Variants in PRKAR1A observed in about 807,000 individuals in gnomAD.
The protein encoded by PRKAR1A is cAMP-dependent protein kinase type I-alpha regulatory subunit.
A neutral mutation model predicts 52.0 loss-of-function variants in PRKAR1A; 3 were observed. The ratio of observed to expected loss-of-function variants is 0.06; its 90% CI spans 0.03 to 0.15. PRKAR1A has a LOEUF of 0.15. Among genes scored for constraint, PRKAR1A ranks in the 10% least tolerant of loss-of-function variants. The probability of loss-of-function intolerance (pLI) is 1.00; values close to 1 mark genes in which losing one functional copy is unlikely to be tolerated. For synonymous variants in PRKAR1A, 188 were observed against 168.4 expected (o/e 1.12, Z -0.90); for missense variants, 240 against 477.4 (o/e 0.50, Z 4.63).
chr17:68,444,057 A>G, the PRKAR1A span, among the ~76,000 whole-genome samples: 10 of 152,214 alleles, frequency 6.6e-5, no homozygotes, highest in Admixed American at 2.0e-4. Context: ...GTAATAAAAC[A>G]TATTCTTTAT....
chr17:68,536,144 T>C (rs2086090995), downstream of PRKAR1A: 1 of 453,992 alleles, frequency 2.2e-6, no homozygotes, highest in African/African-American at 2.0e-5. Flanking sequence ...AAGTGTTATT[T>C]GTCCAGTCGA....
chr17:68,532,114 C>T lies in PRKAR1A; in HGVS notation c.*1665C>T. 1 of 1,064,034 alleles carries T rather than the reference C, an allele frequency of 9.4e-7. No homozygotes were observed. The highest frequency in any genetic ancestry group is 1.1e-6 in the Non-Finnish European group (1 of 878,054). 65.9% of individuals were successfully genotyped at this position (1,064,034 alleles called of 1,614,324 possible). A position where few individuals can be genotyped will look rare whatever the true frequency, so the allele number is the denominator to read the frequency against. On this transcript the variant is annotated 3_prime_UTR_variant, in exon 11 of 11. Transcript: ENST00000589228. ...CATTTTAGGGTGGGTAAGAAAGCCA[C>T]CTTGTTACAAATTTTTTAATTTCCA...
the PRKAR1A span, among the ~76,000 whole-genome samples, chr17:68,442,464 CAAA>C: frequency 9.6e-5 from 6 of 62,770 alleles, no homozygotes; most frequent in Admixed American, 1.7e-4. Context: ...GACTGTGTCT[CAAA>C]AAAAAAAAAA....
chr17:68,458,012 A>G, the PRKAR1A span, among the ~76,000 whole-genome samples: 1 of 144,664 alleles, frequency 6.9e-6, no homozygotes, highest in African/African-American at 2.5e-5. Context: ...ACCCCTTGCC[A>G]TGTGTAACTC....
At chr17:68,435,505 T>A in the PRKAR1A span, 1 of 987,936 alleles carries the variant, frequency 1.0e-6, no homozygotes, top group South Asian at 1.4e-5. Context: ...AAATTCTGAG[T>A]GGGCCCAGAG....
At chr17:68,548,528 T>C (rs938767713) in intron 11 of PRKAR1A, among the ~76,000 whole-genome samples, 1 of 149,724 alleles carries the variant, frequency 6.7e-6, no homozygotes, top group South Asian at 2.1e-4. Flanking sequence ...AGACTCTGTC[T>C]CAAAAAAAAA....
At chr17:68,462,004 T>C in the PRKAR1A span, among the ~76,000 whole-genome samples, 2 of 152,188 alleles carry the variant, frequency 1.3e-5, no homozygotes, top group African/African-American at 4.8e-5. Flanking sequence ...GGCCCTATCA[T>C]GTGCCCTTGT....
the PRKAR1A span, among the ~76,000 whole-genome samples, chr17:68,467,355 C>A: frequency 1.3e-5 from 2 of 152,180 alleles, no homozygotes; most frequent in African/African-American, 4.8e-5. Flanking sequence ...TTCATAGCAG[C>A]TGAACCATTT....
chr17:68,522,183 G>A (rs1020802747), intron 2 of PRKAR1A, among the ~76,000 whole-genome samples: 3 of 152,144 alleles, frequency 2.0e-5, no homozygotes, highest in East Asian at 3.8e-4. Flanking sequence ...AATTCCACAG[G>A]CTCAGGACCC....
At chr17:68,501,695 T>C in the PRKAR1A span, among the ~76,000 whole-genome samples, 2 of 152,162 alleles carry the variant, frequency 1.3e-5, no homozygotes, top group Non-Finnish European at 2.9e-5. Flanking sequence ...TGGCCTCAAG[T>C]GATCCTCCCT....
At chr17:68,459,576 G>T in the PRKAR1A span, among the ~76,000 whole-genome samples, 1 of 152,164 alleles carries the variant, frequency 6.6e-6, no homozygotes, top group Non-Finnish European at 1.5e-5. Flanking sequence ...GAAGTAAAGG[G>T]ACAGGAGAGA....
chr17:68,482,549 A>G, the PRKAR1A span, among the ~76,000 whole-genome samples: 3 of 152,188 alleles, frequency 2.0e-5, no homozygotes, highest in Non-Finnish European at 2.9e-5. Flanking sequence ...GACATTTAGG[A>G]TTTTAAAATT....
chr17:68,435,715 G>A, the PRKAR1A span: 2 of 1,614,154 alleles, frequency 1.2e-6, no homozygotes, highest in South Asian at 2.2e-5. Context: ...ACTGTTTTCT[G>A]TTGGTGAAAA....
At chr17:68,543,442 G>A (rs958537554) in intron 11 of PRKAR1A, among the ~76,000 whole-genome samples, 2 of 152,200 alleles carry the variant, frequency 1.3e-5, no homozygotes, top group African/African-American at 2.4e-5. Context: ...AAAAGGCCTT[G>A]TGTTTTTCAA....
chr17:68,436,542 A>G, the PRKAR1A span: 19 of 1,507,824 alleles, frequency 1.3e-5, no homozygotes, highest in African/African-American at 2.2e-4. Context: ...ACGGCTGGAG[A>G]GGGCATCTGA....
intron 11 of PRKAR1A, chr17:68,542,937 C>G: frequency 1.4e-6 from 1 of 735,994 alleles, no homozygotes; most frequent in Non-Finnish European, 2.4e-6. Flanking sequence ...TGAGGCGTGA[C>G]TCTGCACTGT....
chr17:68,524,122 G>A (rs758384459), intron 5 of PRKAR1A, 45 bp downstream of exon 5: 15 of 1,595,130 alleles, frequency 9.4e-6, no homozygotes, highest in African/African-American at 8.1e-5. Flanking sequence ...GAGAGGAGGC[G>A]AGACTAGAGG....
the PRKAR1A span, among the ~76,000 whole-genome samples, chr17:68,479,554 A>T: frequency 6.6e-6 from 1 of 152,178 alleles, no homozygotes; most frequent in Non-Finnish European, 1.5e-5. Flanking sequence ...TGTTATTTTT[A>T]AAAATGTACT....
intron 8 of PRKAR1A, 25 bp downstream of exon 8, chr17:68,527,925 T>C: frequency 1.3e-6 from 2 of 1,577,436 alleles, no homozygotes; most frequent in Non-Finnish European, 1.7e-6. Context: ...GTGTTAACTT[T>C]GCTAGTATGT....
Sources: gnomAD v4.1 joint callset for allele counts (sites outside exome capture counted in the v4.1 genomes callset) on GRCh38, gnomAD v4.1.1 for gene constraint, MANE v1.5 for transcripts, NCBI Gene and HGNC (gene_info 2026-07-23, HGNC 2026-07-21) for gene names.